PCDH7: variants seen among roughly 807,000 people sequenced by gnomAD.
PCDH7 encodes protocadherin 7, also known as protocadherin-7.
Under a neutral mutation model 58.9 loss-of-function variants are expected in PCDH7, and 17 were observed. That is an observed-to-expected ratio of 0.29 (90% CI 0.20 to 0.43). PCDH7 has a LOEUF of 0.43. Ranked by LOEUF, PCDH7 falls within the 20% of genes least tolerant of loss-of-function variation. The pLI is 1.00. For synonymous variants in PCDH7, 664 were observed against 616.4 expected, an observed-to-expected ratio of 1.08 and a Z score of -1.14; for missense variants, 1,274 against 1,441.0, an observed-to-expected ratio of 0.88 and a Z score of 1.88.
At chr4:31,110,703 C>G (rs907004601) in intron 3 of PCDH7, among the ~76,000 whole-genome samples, 2 of 152,034 alleles carry the variant, frequency 1.3e-5, no homozygotes, top group Admixed American at 1.3e-4. Context: ...ATCACGAGGT[C>G]AGGAAATCGA....
chr4:30,721,339 G>C lies in PCDH7; in HGVS notation c.-84G>C. 7.7e-7 allele frequency: 1 copy of C among 1,301,472 alleles called. No homozygotes were observed. The highest frequency in any genetic ancestry group is 1.0e-6 in the Non-Finnish European group (1 of 980,762). 80.6% of individuals were successfully genotyped at this position (1,301,472 alleles called of 1,614,324 possible). A position where few individuals can be genotyped will look rare whatever the true frequency, so the allele number is the denominator to read the frequency against. On this transcript the variant is annotated 5_prime_UTR_variant, in exon 1 of 2. Transcript: ENST00000361762. The surrounding 1 kb of genome is among the most constrained non-coding windows in gnomAD (Gnocchi z 6.7). Reference sequence around the variant, plus strand: ...TCCGGGAGAGGGGAGAGGACTCGGGGGAGGGCAGGCGGCCGGCCCCGGAGG... The same window carrying C: ...TCCGGGAGAGGGGAGAGGACTCGGGCGAGGGCAGGCGGCCGGCCCCGGAGG...
intron 1 of PCDH7, among the ~76,000 whole-genome samples, chr4:30,788,478 A>G (rs1487464771): frequency 1.3e-5 from 2 of 152,082 alleles, no homozygotes; most frequent in South Asian, 4.1e-4. Context: ...TTATGATACT[A>G]TAATAAATTA....
chr4:30,837,511 T>C (rs1343281511), intron 1 of PCDH7, among the ~76,000 whole-genome samples: 1 of 150,854 alleles, frequency 6.6e-6, no homozygotes, highest in Non-Finnish European at 1.5e-5. Context: ...AGGTTGGTTA[T>C]GTTACAAATA....
chr4:31,038,693 T>C (rs1184838653), intron 3 of PCDH7, among the ~76,000 whole-genome samples: 17 of 152,182 alleles, frequency 1.1e-4, no homozygotes, highest in Admixed American at 1.1e-3. Flanking sequence ...CTGATGTGAG[T>C]AGCTATAGTT....
chr4:30,941,305 C>G (rs1746011872), intron 2 of PCDH7, among the ~76,000 whole-genome samples: 1 of 151,900 alleles, frequency 6.6e-6, no homozygotes, highest in Non-Finnish European at 1.5e-5. Context: ...TTATAAATAA[C>G]AGTGCAAAAT....
chr4:30,837,181 A>G (rs954679026), intron 1 of PCDH7, among the ~76,000 whole-genome samples: 2 of 152,142 alleles, frequency 1.3e-5, no homozygotes, highest in Non-Finnish European at 2.9e-5. Flanking sequence ...ATATGCACCA[A>G]AGCACTGGAT....
chr4:30,741,473 C>T (rs554670617), intron 1 of PCDH7, among the ~76,000 whole-genome samples: 11 of 152,086 alleles, frequency 7.2e-5, no homozygotes, highest in Non-Finnish European at 1.6e-4. Context: ...GTGTTACAGG[C>T]GTGAGCCACT....
At chr4:30,828,639 A>G (rs920986020) in intron 1 of PCDH7, among the ~76,000 whole-genome samples, 2 of 152,068 alleles carry the variant, frequency 1.3e-5, no homozygotes, top group Admixed American at 6.6e-5. Flanking sequence ...GTGCAAAAAA[A>G]CATAAGGCTG....
At chr4:30,926,164 G>A (rs1448363366) in intron 2 of PCDH7, among the ~76,000 whole-genome samples, 1 of 148,144 alleles carries the variant, frequency 6.8e-6, no homozygotes, top group East Asian at 2.0e-4. Context: ...ATGATAAATA[G>A]TTGGGATTAT....
chr4:30,802,594 T>C (rs1365377175), intron 1 of PCDH7, among the ~76,000 whole-genome samples: 2 of 151,770 alleles, frequency 1.3e-5, no homozygotes, highest in African/African-American at 2.4e-5. Context: ...GAGATCCAGA[T>C]GAATAAAGAT....
intron 1 of PCDH7, among the ~76,000 whole-genome samples, chr4:30,843,054 C>A (rs969357353): frequency 2.7e-5 from 4 of 150,092 alleles, no homozygotes; most frequent in Admixed American, 2.0e-4. Context: ...ATTGAATAAA[C>A]AAATGACTTT....
rs374610368 is a variant in PCDH7 at position 30,729,795 on chromosome 4, A to T, written c.3175-958A>T. Among the ~76,000 whole-genome samples, 23 of 152,136 alleles carry T rather than the reference A, an allele frequency of 1.5e-4. No individual in the cohort carries two copies. The East Asian group carries it at 3.9e-3, about 26-fold the overall frequency. On this transcript the variant is annotated intron_variant, in intron 1 of 1. Transcript: ENST00000361762. ...ATCCTTAACACACAGTCATGCACGAATGTTTTCTCTTAATTTGTTTTCTAG... is the reference window on the plus strand; with the variant it reads ...ATCCTTAACACACAGTCATGCACGATTGTTTTCTCTTAATTTGTTTTCTAG...
intron 1 of PCDH7, among the ~76,000 whole-genome samples, chr4:30,769,327 ACACTGCAGAGCTGTC>A: frequency 6.6e-6 from 1 of 152,200 alleles, no homozygotes; most frequent in Admixed American, 6.5e-5. Flanking sequence ...AGGTGTGGAG[ACACTGCAGAGCTGTC>A]ACTCCGCATG....
At chr4:30,862,976 G>C (rs1734397338) in intron 1 of PCDH7, among the ~76,000 whole-genome samples, 1 of 151,986 alleles carries the variant, frequency 6.6e-6, no homozygotes, top group South Asian at 2.1e-4. Context: ...TTTTCCAACT[G>C]TATACAACAG....
At chr4:30,966,353 C>G (rs1378439173) in intron 3 of PCDH7, among the ~76,000 whole-genome samples, 1 of 152,038 alleles carries the variant, frequency 6.6e-6, no homozygotes. Context: ...TAATTGTGTT[C>G]TGGACAAAAA....
At chr4:31,000,168 A>G (rs1297739695) in intron 3 of PCDH7, among the ~76,000 whole-genome samples, 1 of 152,122 alleles carries the variant, frequency 6.6e-6, no homozygotes, top group Non-Finnish European at 1.5e-5. Context: ...ATAGCTTTGC[A>G]ATTGAGAAGG....
At chr4:30,730,838 T>G in exon 2 of PCDH7, 6 of 1,538,592 alleles carry the variant, frequency 3.9e-6, no homozygotes, top group Non-Finnish European at 5.2e-6. Context: ...TGATGACCTT[T>G]CTACTCCGAA....
chr4:30,988,902 G>C (rs966842302), intron 3 of PCDH7, among the ~76,000 whole-genome samples: 8 of 152,286 alleles, frequency 5.3e-5, no homozygotes, highest in African/African-American at 1.7e-4. Flanking sequence ...CAATGAATGT[G>C]ATTTTGAAGG....
At chr4:30,943,960 G>T (rs1031607514) in intron 2 of PCDH7, among the ~76,000 whole-genome samples, 1 of 151,954 alleles carries the variant, frequency 6.6e-6, no homozygotes, top group African/African-American at 2.4e-5. Flanking sequence ...AAAAATTTAT[G>T]TATCACTCTT....
Sources: allele counts gnomAD v4.1 joint callset (sites outside exome capture counted in the v4.1 genomes callset), GRCh38; gene constraint gnomAD v4.1.1; non-coding constraint Gnocchi (gnomAD v3.1); transcripts MANE v1.5; gene names NCBI Gene and HGNC (gene_info 2026-07-23, HGNC 2026-07-21).